Variants in PACS1 observed in about 807,000 individuals in gnomAD.
PACS1 encodes PACS-1.
A neutral mutation model predicts 115.0 loss-of-function variants in PACS1; 24 were observed. The ratio of observed to expected loss-of-function variants is 0.21; its 90% CI spans 0.15 to 0.29. The LOEUF (loss-of-function observed/expected upper bound fraction) is 0.29. Ranked by LOEUF, PACS1 falls within the 10% of genes least tolerant of loss-of-function variation. The pLI, the probability that PACS1 is intolerant of heterozygous loss-of-function variation, is 1.00. For missense variants in PACS1, 838 were observed against 1,251.2 expected (o/e 0.67, Z 4.98); for synonymous variants, 453 against 504.5 (o/e 0.90, Z 1.37).
chr11:66,152,327 C>G (rs544301662), intron 1 of PACS1, among the ~76,000 whole-genome samples: 12 of 152,256 alleles, frequency 7.9e-5, no homozygotes, highest in Admixed American at 7.2e-4. Flanking sequence ...ATTATCCCAT[C>G]CAATGAAGAG....
chr11:66,092,882 A>C (rs1006286612), intron 1 of PACS1, among the ~76,000 whole-genome samples: 4 of 152,026 alleles, frequency 2.6e-5, no homozygotes, highest in African/African-American at 9.7e-5. Flanking sequence ...ATTGATCTAT[A>C]TCTCTGTTTG....
At chr11:66,194,437 A>T (rs775255753) in intron 2 of PACS1, among the ~76,000 whole-genome samples, 4 of 152,228 alleles carry the variant, frequency 2.6e-5, no homozygotes, top group South Asian at 4.1e-4. Context: ...ATTCTTAAGT[A>T]TTCCTGAATT....
At chr11:66,166,936 T>A (rs1859618242) in intron 1 of PACS1, among the ~76,000 whole-genome samples, 1 of 150,302 alleles carries the variant, frequency 6.7e-6, no homozygotes, top group Admixed American at 6.6e-5. Flanking sequence ...CATCTGGTAA[T>A]GAGTGAAATT....
chr11:66,134,235 T>C (rs188460796), intron 1 of PACS1, among the ~76,000 whole-genome samples: 16 of 114,488 alleles, frequency 1.4e-4, no homozygotes, highest in African/African-American at 4.8e-4. Flanking sequence ...TGATTAAATT[T>C]CTTTTTCTTT....
In PACS1 at chr11:66,241,141, C is replaced by T; in HGVS notation, c.2430-286C>T. 3.3e-5 allele frequency: 13 copies of T among 397,202 alleles called. No homozygotes were observed. The South Asian group carries it at 3.9e-4, about 12-fold the overall frequency. The allele number at this position is 397,202 out of a possible 1,614,324, so 24.6% of individuals were successfully genotyped here. A position where few individuals can be genotyped will look rare whatever the true frequency, so the allele number is the denominator to read the frequency against. The stretch of plus-strand genomic sequence containing the variant: ...GCACGCATGCACTTATGTACACACA[C>T]ACTTTCTTCCTTCATAAAGCTTCCT... On this transcript the variant is annotated intron_variant, in intron 21 of 23. Transcript: ENST00000320580.
Position 66,070,771 on chromosome 11 carries a change from C to T in PACS1, c.285C>T (p.Thr95=). The change falls in exon 1 of 24, where the codon ACC becomes ACT. Residue 95 remains threonine, a synonymous_variant. Coordinates refer to ENST00000320580, the MANE Select transcript of PACS1 (RefSeq NM_018026.4). This position sits in a 1 kb window ranked among gnomAD's most constrained non-coding sequence, Gnocchi z 5.9. ...CCGGTGGCCCGGGGCCAGGCCGCAC[C>T]CCCGCCCCGGTGCAGATGAACCTGT... is the stretch of plus-strand genomic sequence containing the variant. ...APPGGPGPGR[T]PAPVQMNLYA... 1.3e-6 allele frequency: 2 copies of T among 1,537,302 alleles called. No homozygotes were observed. The highest frequency in any genetic ancestry group is 2.6e-5 in the East Asian group (1 of 38,564).
At chr11:66,217,865 G>T (rs547187199) in intron 7 of PACS1, 29 of 274,886 alleles carry the variant, frequency 1.1e-4, no homozygotes, top group African/African-American at 6.2e-4. Context: ...ACCAGAAAGC[G>T]GCCCTATTTT....
At chr11:66,104,172 C>T (rs1857982053) in intron 1 of PACS1, among the ~76,000 whole-genome samples, 1 of 152,040 alleles carries the variant, frequency 6.6e-6, no homozygotes, top group Non-Finnish European at 1.5e-5. Context: ...GAAGGGAATT[C>T]AGATAGAGGG....
chr11:66,231,007 T>G (rs1258176033), intron 13 of PACS1, 67 bp downstream of exon 13: 2 of 1,577,428 alleles, frequency 1.3e-6, no homozygotes, highest in African/African-American at 2.7e-5. Context: ...CTCTGTTTTG[T>G]TGGCTTCCTT....
chr11:66,210,635 G>A (rs1008505239), intron 3 of PACS1, among the ~76,000 whole-genome samples, 184 bp downstream of exon 3: 7 of 152,172 alleles, frequency 4.6e-5, no homozygotes, highest in South Asian at 2.1e-4. Flanking sequence ...AGCCAGTGAC[G>A]GTAAGGGTGT....
At chr11:66,072,598 G>C (rs563154669) in intron 1 of PACS1, among the ~76,000 whole-genome samples, 1 of 151,972 alleles carries the variant, frequency 6.6e-6, no homozygotes, top group Admixed American at 6.6e-5. Flanking sequence ...CAGATCCATA[G>C]CACAACACCA....
chr11:66,087,822 G>A (rs1857598658), intron 1 of PACS1, among the ~76,000 whole-genome samples: 1 of 152,106 alleles, frequency 6.6e-6, no homozygotes, highest in South Asian at 2.1e-4. Context: ...GCCGGGCTGT[G>A]GGGTATATGG....
At chr11:66,221,552 A>G (rs573210224) in intron 10 of PACS1, 75 of 262,600 alleles carry the variant, frequency 2.9e-4, no homozygotes, top group African/African-American at 1.6e-3. Context: ...AGGATGAGGC[A>G]GGAGAATCAC....
intron 2 of PACS1, among the ~76,000 whole-genome samples, chr11:66,201,995 T>C (rs1027944000): frequency 1.3e-5 from 2 of 151,836 alleles, no homozygotes; most frequent in African/African-American, 4.8e-5. Flanking sequence ...GATAAACCTT[T>C]AGCCAGACCA....
chr11:66,082,171 T>A (rs1857491965), intron 1 of PACS1, among the ~76,000 whole-genome samples: 1 of 152,238 alleles, frequency 6.6e-6, no homozygotes, highest in South Asian at 2.1e-4. Context: ...CAGGGCTTAA[T>A]GAAGAGTGTA....
chr11:66,127,029 G>A (rs934861627), intron 1 of PACS1, among the ~76,000 whole-genome samples: 15 of 151,938 alleles, frequency 9.9e-5, no homozygotes, highest in Admixed American at 8.5e-4. Context: ...GGATGTAAAC[G>A]ACTTTCTTTT....
intron 14 of PACS1, 91 bp downstream of exon 14, chr11:66,232,367 G>T: frequency 1.4e-6 from 1 of 726,292 alleles, no homozygotes. Context: ...CTATTGCGTG[G>T]GGAGGTGGGG....
intron 1 of PACS1, among the ~76,000 whole-genome samples, chr11:66,166,867 G>A (rs1201582389): frequency 6.7e-6 from 1 of 150,258 alleles, no homozygotes; most frequent in African/African-American, 2.5e-5. Flanking sequence ...GTATTATTAC[G>A]ATGCTCATTT....
intron 1 of PACS1, among the ~76,000 whole-genome samples, chr11:66,103,498 A>G (rs1488060470): frequency 7.0e-6 from 1 of 142,410 alleles, no homozygotes; most frequent in East Asian, 2.1e-4. Flanking sequence ...TTTTCTTTTC[A>G]GTTTTTTGTT....
Sources: allele counts gnomAD v4.1 joint callset (sites outside exome capture counted in the v4.1 genomes callset), GRCh38; gene constraint gnomAD v4.1.1; non-coding constraint Gnocchi (gnomAD v3.1); transcripts MANE v1.5; gene names NCBI Gene and HGNC (gene_info 2026-07-23, HGNC 2026-07-21).